Variants in LUZP2 observed in about 807,000 individuals in gnomAD.
LUZP2 encodes leucine zipper protein 2.
A neutral mutation model predicts 51.6 loss-of-function variants in LUZP2; 52 were observed. The observed-to-expected ratio is 1.01, with a 90% CI of 0.81 to 1.27. The LOEUF (loss-of-function observed/expected upper bound fraction) is 1.27, where lower values mean the gene tolerates loss of function less well. LUZP2 is among the 50% of genes most tolerant of loss of function. The probability of loss-of-function intolerance (pLI) is 0.00; values close to 1 mark genes in which losing one functional copy is unlikely to be tolerated. For missense variants in LUZP2, 436 were observed against 395.4 expected (o/e 1.10, Z -0.87); for synonymous variants, 154 against 137.3 (o/e 1.12, Z -0.85).
intron 4 of LUZP2, among the ~76,000 whole-genome samples, chr11:24,755,586 G>T (rs1859743521): frequency 6.6e-6 from 1 of 152,122 alleles, no homozygotes; most frequent in African/African-American, 2.4e-5. Context: ...CCTCCGGATG[G>T]ATTGAATGGA....
At chr11:24,741,295 C>G (rs140637593) in intron 4 of LUZP2, among the ~76,000 whole-genome samples, 1 of 151,978 alleles carries the variant, frequency 6.6e-6, no homozygotes, top group Non-Finnish European at 1.5e-5. Context: ...TGTCAGTGAT[C>G]AGGGGCAACA....
At chr11:24,702,774 C>G (rs982921353) in intron 1 of LUZP2, among the ~76,000 whole-genome samples, 1 of 151,750 alleles carries the variant, frequency 6.6e-6, no homozygotes, top group Non-Finnish European at 1.5e-5. Flanking sequence ...TGTGGATCTT[C>G]TATGTGAGTG....
intron 1 of LUZP2, among the ~76,000 whole-genome samples, chr11:24,597,383 A>T (rs1305881060): frequency 2.0e-5 from 3 of 152,180 alleles, no homozygotes; most frequent in Non-Finnish European, 4.4e-5. Context: ...ATATGGGATA[A>T]AACACACTTT....
At chr11:24,691,482 T>C (rs1210901648) in intron 1 of LUZP2, among the ~76,000 whole-genome samples, 2 of 151,584 alleles carry the variant, frequency 1.3e-5, no homozygotes, top group Admixed American at 1.3e-4. Context: ...TTCTGTTTTT[T>C]TTTTTTTCAA....
chr11:25,051,945 T>C (rs1858530263), intron 10 of LUZP2, among the ~76,000 whole-genome samples: 1 of 152,146 alleles, frequency 6.6e-6, no homozygotes, highest in African/African-American at 2.4e-5. Context: ...TCTCTTCTAC[T>C]TGTGTTGTTC....
At chr11:24,820,507 T>C (rs1195770318) in intron 5 of LUZP2, among the ~76,000 whole-genome samples, 1 of 152,120 alleles carries the variant, frequency 6.6e-6, no homozygotes, top group Non-Finnish European at 1.5e-5. Context: ...TGTTTAGATT[T>C]GTTTTAGAAA....
At chr11:24,564,560 C>T (rs1852155248) in intron 1 of LUZP2, among the ~76,000 whole-genome samples, 1 of 152,056 alleles carries the variant, frequency 6.6e-6, no homozygotes, top group South Asian at 2.1e-4. Flanking sequence ...TGTATGTAAG[C>T]CATCAAAAAG....
At chr11:24,515,074 C>T (rs529467140) in intron 1 of LUZP2, among the ~76,000 whole-genome samples, 47 of 152,206 alleles carry the variant, frequency 3.1e-4, no homozygotes, top group Non-Finnish European at 5.1e-4. Context: ...CTATTATTTA[C>T]CATTTCCCCG....
At chr11:24,881,343 A>G (rs1199937498) in intron 5 of LUZP2, among the ~76,000 whole-genome samples, 2 of 151,972 alleles carry the variant, frequency 1.3e-5, no homozygotes, top group Non-Finnish European at 1.5e-5. Flanking sequence ...GAGAGACAGA[A>G]CATTCGTCTT....
At chr11:24,682,874 C>T (rs762509288) in intron 1 of LUZP2, among the ~76,000 whole-genome samples, 1 of 150,962 alleles carries the variant, frequency 6.6e-6, no homozygotes. Context: ...CGTGATGGCG[C>T]GTGCCTCTAG....
Position 24,497,093 on chromosome 11 carries a change from C to T in LUZP2, c.-151C>T. The stretch of plus-strand genomic sequence containing the variant: ...CCTCGCTCCCAGCGCCTGCCTTCCC[C>T]AGGCGTCCGTTCGTGTGCCCGTCTC... On this transcript the variant is annotated 5_prime_UTR_variant, in exon 1 of 12. Transcript: ENST00000336930. 1.8e-6 allele frequency: 1 copy of T among 569,724 alleles called. No individual in the cohort carries two copies. The allele number at this position is 569,724 out of a possible 1,614,324, so 35.3% of individuals were successfully genotyped here.
intron 7 of LUZP2, among the ~76,000 whole-genome samples, chr11:24,956,349 G>C (rs1051773825): frequency 1.3e-5 from 2 of 152,022 alleles, no homozygotes; most frequent in Non-Finnish European, 2.9e-5. Flanking sequence ...CTGACACCTT[G>C]ACTTTGGCCC....
At chr11:24,983,606 C>T (rs1194336988) in intron 9 of LUZP2, among the ~76,000 whole-genome samples, 1 of 151,656 alleles carries the variant, frequency 6.6e-6, no homozygotes, top group Non-Finnish European at 1.5e-5. Context: ...TTGAAATAAA[C>T]ATCACAGGTT....
At chr11:25,070,647 TA>T (rs1859128613) in intron 10 of LUZP2, among the ~76,000 whole-genome samples, 1 of 152,008 alleles carries the variant, frequency 6.6e-6, no homozygotes, top group African/African-American at 2.4e-5. Flanking sequence ...TTGAAATTTT[TA>T]GAATATGTGT....
chr11:24,654,583 A>C (rs960758827), intron 1 of LUZP2, among the ~76,000 whole-genome samples: 1 of 151,518 alleles, frequency 6.6e-6, no homozygotes, highest in Non-Finnish European at 1.5e-5. Flanking sequence ...GCTCACTGCA[A>C]CCTCCGCCTC....
chr11:24,800,260 A>C (rs561924247), intron 5 of LUZP2, among the ~76,000 whole-genome samples: 1 of 152,100 alleles, frequency 6.6e-6, no homozygotes, highest in Non-Finnish European at 1.5e-5. Context: ...GGTGATACTT[A>C]GTTGGGAAAT....
intron 1 of LUZP2, among the ~76,000 whole-genome samples, chr11:24,709,424 T>C (rs999178602): frequency 6.6e-6 from 1 of 152,094 alleles, no homozygotes; most frequent in Non-Finnish European, 1.5e-5. Flanking sequence ...TAAAAGGTAT[T>C]TTTAAAATAT....
At position 24,975,368 on chromosome 11, in the gene LUZP2, C is replaced by T. The variant is rs78030710; in HGVS notation, c.523-1223C>T. 6.8e-3 allele frequency among the ~76,000 whole-genome samples: 1,035 copies of T among 152,166 alleles called. 21 individuals carry two copies. In the East Asian group the frequency reaches 0.074, roughly 11 times the overall value. ...TTATTCTTGCTCTCAGCAGATACCA[C>T]AATCAACTGGAAGATGTAAACAATT... On this transcript the variant is annotated intron_variant, in intron 7 of 11. Coordinates refer to ENST00000336930, the MANE Select transcript of LUZP2 (RefSeq NM_001009909.4).
At position 24,529,751 on chromosome 11, in the gene LUZP2, A is replaced by G. The variant is rs58179051; in HGVS notation, c.62+32446A>G. 8.8e-3 allele frequency among the ~76,000 whole-genome samples: 1,337 copies of G among 151,166 alleles called. 20 individuals carry two copies. The highest frequency in any genetic ancestry group is 0.03 in the African/African-American group (1,229 of 41,470). On this transcript the variant is annotated intron_variant, in intron 1 of 11. Transcript: ENST00000336930. ...GATTGTTTAATTAAGTTAGCCTATA[A>G]TACAAAATTAGATGTCAGTCATTAA...
Sources: gnomAD v4.1 joint callset for allele counts (sites outside exome capture counted in the v4.1 genomes callset) on GRCh38, gnomAD v4.1.1 for gene constraint, MANE v1.5 for transcripts, NCBI Gene and HGNC (gene_info 2026-07-23, HGNC 2026-07-21) for gene names.